The following SLC9C2 variants were observed in gnomAD, a reference collection of about 807,000 sequenced individuals.
The protein encoded by SLC9C2 is solute carrier family 9 member C2 (putative), also known as sodium/hydrogen exchanger 11.
In SLC9C2, 75 loss-of-function variants were observed where a neutral mutation model predicts 140.2. The observed-to-expected ratio is 0.53, with a 90% CI of 0.44 to 0.65. The LOEUF is 0.65. Among genes scored for constraint, SLC9C2 ranks in the 30% least tolerant of loss-of-function variants. SLC9C2 has a pLI of 0.00. For missense variants in SLC9C2, 1,074 were observed against 1,331.8 expected (o/e 0.81, Z 3.01); for synonymous variants, 375 against 420.9 (o/e 0.89, Z 1.34).
chr1:173,592,998 A>G lies in SLC9C2; in HGVS notation c.357+4906T>C, dbSNP rs532873382. On this transcript the variant is annotated intron_variant, in intron 4 of 27. Transcript: ENST00000367714. The stretch of plus-strand genomic sequence containing the variant: ...CAAACTAAACTTCCTAAGCAAAGGA[A>G]AAATAAGATCCTTTTCAGATAAGCA... Among the ~76,000 whole-genome samples the G allele has an allele frequency of 9.2e-5, 14 of 152,356 alleles. 2 individuals are homozygous for G. Among genetic ancestry groups the G allele is most frequent in the African/African-American group, 3.4e-4 (14 of 41,586 alleles).
At chr1:173,581,702 G>T in intron 7 of SLC9C2, 145 bp downstream of exon 7, 2 of 548,814 alleles carry the variant, frequency 3.6e-6, no homozygotes, top group Non-Finnish European at 3.0e-6. Flanking sequence ...CCAGGAAAGA[G>T]CTAGAGGTAA....
chr1:173,507,530 A>ACACACT (rs1438086601), intron 24 of SLC9C2, among the ~76,000 whole-genome samples: 1 of 151,766 alleles, frequency 6.6e-6, no homozygotes, highest in Admixed American at 6.6e-5. Context: ...ACACACACAC[A>ACACACT]CCACCTCCCA....
At chr1:173,510,336 C>T (rs1024114914) in intron 23 of SLC9C2, among the ~76,000 whole-genome samples, 1 of 152,108 alleles carries the variant, frequency 6.6e-6, no homozygotes, top group Non-Finnish European at 1.5e-5. Flanking sequence ...TTTCATTGTA[C>T]TTTAAGTTCC....
chr1:173,537,290 C>T (rs957548094), intron 13 of SLC9C2, among the ~76,000 whole-genome samples: 1 of 151,980 alleles, frequency 6.6e-6, no homozygotes, highest in Admixed American at 6.6e-5. Context: ...AAAATGTATG[C>T]CACTCAGCCA....
At chr1:173,566,470 A>G (rs1455621837) in intron 9 of SLC9C2, among the ~76,000 whole-genome samples, 1 of 152,060 alleles carries the variant, frequency 6.6e-6, no homozygotes, top group African/African-American at 2.4e-5. Flanking sequence ...ATTGGCATAT[A>G]GTTGCTTATG....
intron 9 of SLC9C2, among the ~76,000 whole-genome samples, chr1:173,565,493 C>A (rs73029310): frequency 0.02 from 3,075 of 152,216 alleles, 103 homozygotes; most frequent in African/African-American, 0.07. Flanking sequence ...GTTCTTGTCA[C>A]CTTTGTCAAA....
At chr1:173,593,559 C>G (rs570681776) in intron 4 of SLC9C2, among the ~76,000 whole-genome samples, 1 of 152,156 alleles carries the variant, frequency 6.6e-6, no homozygotes, top group East Asian at 1.9e-4. Context: ...ACTAAATGCC[C>G]TATTTAAAAG....
intron 23 of SLC9C2, among the ~76,000 whole-genome samples, chr1:173,514,390 A>T (rs1660272658): frequency 6.6e-6 from 1 of 152,122 alleles, no homozygotes. Flanking sequence ...TGTTGAATTG[A>T]TCCCTTTACC....
At chr1:173,590,079 C>A (rs1218954683) in intron 4 of SLC9C2, among the ~76,000 whole-genome samples, 1 of 151,924 alleles carries the variant, frequency 6.6e-6, no homozygotes, top group Admixed American at 6.6e-5. Flanking sequence ...CCCGTCTCTA[C>A]TAAAAATGCA....
chr1:173,527,817 G>GT (rs1237201216), intron 18 of SLC9C2, among the ~76,000 whole-genome samples: 7 of 152,096 alleles, frequency 4.6e-5, no homozygotes, highest in African/African-American at 1.7e-4. Context: ...TTTTTGTGGG[G>GT]TTTTTTTGTT....
At chr1:173,570,463 AGAAG>A (rs1211160163) in intron 9 of SLC9C2, among the ~76,000 whole-genome samples, 2 of 152,100 alleles carry the variant, frequency 1.3e-5, no homozygotes, top group African/African-American at 4.8e-5. Flanking sequence ...CTCCTCAAGC[AGAAG>A]GAAGAAGTCA....
At chr1:173,511,548 G>A (rs184564212) in intron 23 of SLC9C2, among the ~76,000 whole-genome samples, 2 of 152,076 alleles carry the variant, frequency 1.3e-5, no homozygotes, top group Admixed American at 6.6e-5. Flanking sequence ...TGTAGATTCC[G>A]GATATTAGAC....
At chr1:173,507,406 T>A (rs779066940) in intron 24 of SLC9C2, among the ~76,000 whole-genome samples, 2 of 152,142 alleles carry the variant, frequency 1.3e-5, no homozygotes, top group Middle Eastern at 3.4e-3. Context: ...TGAATAGGAA[T>A]AACACAAAGC....
intron 9 of SLC9C2, among the ~76,000 whole-genome samples, chr1:173,568,187 A>G (rs1437294496): frequency 6.6e-6 from 1 of 152,170 alleles, no homozygotes; most frequent in Admixed American, 6.5e-5. Context: ...ATAGGTAAAC[A>G]CGTGTCACAG....
At position 173,507,508 on chromosome 1, in the gene SLC9C2, G is replaced by GCACACACACA. The variant is rs148480049; in HGVS notation, c.3040-477_3040-468dup. ...AGGGAGTTATTATGGGTTGAATTGT[G>GCACACACACA]CACACACACACACACACACACACCA... On this transcript the variant is annotated intron_variant, in intron 24 of 27. Coordinates refer to ENST00000367714, the MANE Select transcript of SLC9C2 (RefSeq NM_178527.4). Among the ~76,000 whole-genome samples the GCACACACACA allele has an allele frequency of 7.8e-3, 995 of 128,180 alleles. 8 individuals are homozygous for GCACACACACA. The highest frequency in any genetic ancestry group is 0.013 in the Non-Finnish European group (708 of 53,950). 84.1% of individuals were successfully genotyped at this position (128,180 alleles called of 152,430 possible).
intron 4 of SLC9C2, among the ~76,000 whole-genome samples, chr1:173,591,262 T>G (rs1238531464): frequency 6.6e-6 from 1 of 152,224 alleles, no homozygotes; most frequent in Non-Finnish European, 1.5e-5. Flanking sequence ...TACATTTTCT[T>G]TATACAATCT....
chr1:173,539,347 A>G (rs1662205939), intron 13 of SLC9C2, among the ~76,000 whole-genome samples: 1 of 152,238 alleles, frequency 6.6e-6, no homozygotes, highest in Non-Finnish European at 1.5e-5. Flanking sequence ...ATGACGGCCT[A>G]AATTAAGATT....
intron 22 of SLC9C2, among the ~76,000 whole-genome samples, chr1:173,519,031 G>C (rs530752833): frequency 6.6e-6 from 1 of 152,030 alleles, no homozygotes; most frequent in South Asian, 2.1e-4. Flanking sequence ...TGGAGTTAAG[G>C]CTACTAATCA....
intron 3 of SLC9C2, among the ~76,000 whole-genome samples, chr1:173,599,145 G>A (rs186529647): frequency 9.2e-5 from 14 of 151,718 alleles, no homozygotes. Flanking sequence ...TTGAGACGGA[G>A]TCTCGCTCTG....
Sources: allele counts gnomAD v4.1 joint callset (sites outside exome capture counted in the v4.1 genomes callset), GRCh38; gene constraint gnomAD v4.1.1; transcripts MANE v1.5; gene names NCBI Gene and HGNC (gene_info 2026-07-23, HGNC 2026-07-21).